Variants in GRID2 observed in about 807,000 individuals in gnomAD.
GRID2 encodes glutamate ionotropic receptor delta type subunit 2, also known as glutamate receptor ionotropic, delta-2.
In GRID2, 33 loss-of-function variants were observed where a neutral mutation model predicts 114.8. The observed-to-expected ratio is 0.29, with a 90% CI of 0.22 to 0.38. The LOEUF (loss-of-function observed/expected upper bound fraction) is 0.38. GRID2 is among the 10% of genes least tolerant of loss of function. GRID2 has a pLI of 1.00. For synonymous variants in GRID2, 505 were observed against 449.9 expected, an observed-to-expected ratio of 1.12 and a Z score of -1.55; for missense variants, 1,184 against 1,257.7, an observed-to-expected ratio of 0.94 and a Z score of 0.89.
At chr4:93,116,890 A>G (rs1300075519) in intron 4 of GRID2, among the ~76,000 whole-genome samples, 1 of 152,138 alleles carries the variant, frequency 6.6e-6, no homozygotes, top group Non-Finnish European at 1.5e-5. Flanking sequence ...ATAGAAATGC[A>G]TAAAACCAGA....
chr4:92,542,610 T>G (rs1421626141), intron 1 of GRID2, among the ~76,000 whole-genome samples: 2 of 151,690 alleles, frequency 1.3e-5, no homozygotes, highest in Admixed American at 6.6e-5. Context: ...AATGATATAA[T>G]GGACTCTGGG....
intron 9 of GRID2, among the ~76,000 whole-genome samples, chr4:93,397,193 ATTC>A (rs756063731): frequency 7.2e-5 from 11 of 152,000 alleles, no homozygotes; most frequent in South Asian, 2.1e-4. Flanking sequence ...TGAGTGACCT[ATTC>A]TTCTTTTTTT....
chr4:93,265,924 T>C (rs1027170679), intron 8 of GRID2, among the ~76,000 whole-genome samples: 9 of 152,194 alleles, frequency 5.9e-5, no homozygotes, highest in African/African-American at 2.2e-4. Context: ...TTTACAATCA[T>C]TTGTATTCAT....
At chr4:93,776,792 A>G, downstream of GRID2, among the ~76,000 whole-genome samples, 1 of 152,226 alleles carries the variant, frequency 6.6e-6, no homozygotes, top group South Asian at 2.1e-4. Flanking sequence ...TATAAGCCAC[A>G]GAAAATTACT....
chr4:93,337,142 T>C (rs1759173211), intron 8 of GRID2, among the ~76,000 whole-genome samples: 2 of 152,142 alleles, frequency 1.3e-5, no homozygotes, highest in Non-Finnish European at 2.9e-5. Flanking sequence ...GGAAAGAGGA[T>C]TTACTTATGT....
intron 11 of GRID2, among the ~76,000 whole-genome samples, chr4:93,468,309 T>G (rs1724484628): frequency 1.3e-5 from 2 of 152,044 alleles, no homozygotes; most frequent in African/African-American, 4.8e-5. Flanking sequence ...CACACATATA[T>G]TCATGCCTTC....
At chr4:92,992,736 C>T (rs1211871546) in intron 2 of GRID2, among the ~76,000 whole-genome samples, 2 of 152,122 alleles carry the variant, frequency 1.3e-5, no homozygotes, top group Admixed American at 6.6e-5. Flanking sequence ...TGCTTCCTGC[C>T]TCTCCTCTAT....
At chr4:93,029,131 C>G (rs1042047260) in intron 2 of GRID2, among the ~76,000 whole-genome samples, 2 of 151,902 alleles carry the variant, frequency 1.3e-5, no homozygotes, top group Non-Finnish European at 1.5e-5. Context: ...AGGCATAGAG[C>G]AAATAAATTA....
At chr4:92,632,397 G>A (rs1331705921) in intron 2 of GRID2, among the ~76,000 whole-genome samples, 1 of 152,072 alleles carries the variant, frequency 6.6e-6, no homozygotes, top group Non-Finnish European at 1.5e-5. Flanking sequence ...GAATTTGGAG[G>A]CTGATGCAAG....
At chr4:93,594,213 G>T (rs1738762415) in intron 13 of GRID2, among the ~76,000 whole-genome samples, 1 of 151,750 alleles carries the variant, frequency 6.6e-6, no homozygotes, top group Non-Finnish European at 1.5e-5. Flanking sequence ...TTGGTATGGT[G>T]ATGTACAGAT....
intron 2 of GRID2, among the ~76,000 whole-genome samples, chr4:92,792,473 A>G (rs958770030): frequency 1.1e-4 from 17 of 149,780 alleles, no homozygotes; most frequent in African/African-American, 4.2e-4. Flanking sequence ...ACACACACAC[A>G]CACACACACA....
At chr4:92,851,151 C>T (rs1312411795) in intron 2 of GRID2, among the ~76,000 whole-genome samples, 1 of 151,654 alleles carries the variant, frequency 6.6e-6, no homozygotes, top group Non-Finnish European at 1.5e-5. Context: ...CATTTAATGC[C>T]ATGTGATGGT....
At chr4:92,514,857 T>C (rs1047499655) in intron 1 of GRID2, among the ~76,000 whole-genome samples, 1 of 151,900 alleles carries the variant, frequency 6.6e-6, no homozygotes, top group African/African-American at 2.4e-5. Context: ...AGTTACCCCA[T>C]GCCTGCAGCC....
chr4:93,796,489 C>T (rs1734804843), intron 1 of GRID2, among the ~76,000 whole-genome samples: 2 of 152,068 alleles, frequency 1.3e-5, no homozygotes, highest in Non-Finnish European at 2.9e-5. Context: ...AATACTTGAT[C>T]TGAGATTACA....
chr4:92,403,851 A>G (rs1366952039), intron 1 of GRID2, among the ~76,000 whole-genome samples: 1 of 152,100 alleles, frequency 6.6e-6, no homozygotes, highest in Non-Finnish European at 1.5e-5. Context: ...AGGTTCAAAG[A>G]CAGGGAGAGA....
At chr4:93,128,027 C>CAAAAAAAAAAAAAAAAAAAAAAAAAA (rs1008311457) in intron 4 of GRID2, among the ~76,000 whole-genome samples, 1 of 20,338 alleles carries the variant, frequency 4.9e-5, no homozygotes, top group African/African-American at 1.7e-4. Flanking sequence ...TCCCCCGCAA[C>CAAAAAAAAAAAAAAAAAAAAAAAAAA]AAAAAAAAAA....
intron 2 of GRID2, among the ~76,000 whole-genome samples, chr4:92,788,167 G>T (rs551356316): frequency 6.6e-6 from 1 of 151,638 alleles, no homozygotes; most frequent in African/African-American, 2.4e-5. Flanking sequence ...TTTCTCTGGG[G>T]TATTCTAGCA....
intron 1 of GRID2, among the ~76,000 whole-genome samples, chr4:92,411,655 G>GTGTGTGTATATATA: frequency 2.8e-4 from 24 of 84,724 alleles, no homozygotes; most frequent in African/African-American, 1.3e-3. Context: ...GTGTGTGTGT[G>GTGTGTGTATATATA]TATATATATA....
intron 1 of GRID2, among the ~76,000 whole-genome samples, chr4:93,796,907 C>T (rs1734814544): frequency 6.6e-6 from 1 of 152,112 alleles, no homozygotes. Context: ...AGTCATGCAT[C>T]ATTTAACAAT....
Sources: gnomAD v4.1 joint callset for allele counts (sites outside exome capture counted in the v4.1 genomes callset) on GRCh38, gnomAD v4.1.1 for gene constraint, MANE v1.5 for transcripts, NCBI Gene and HGNC (gene_info 2026-07-23, HGNC 2026-07-21) for gene names.